The following CUTC variants were observed in gnomAD, a reference collection of about 807,000 sequenced individuals.
CUTC encodes copper homeostasis protein cutC homolog.
CUTC carries 27 observed loss-of-function variants against 36.2 expected under a neutral mutation model. The ratio of observed to expected loss-of-function variants is 0.75; its 90% confidence interval spans 0.55 to 1.03. The LOEUF is 1.03. Ranked by LOEUF, CUTC falls within the 50% of genes least tolerant of loss-of-function variation. The pLI, the probability that CUTC is intolerant of heterozygous loss-of-function variation, is 0.00. For synonymous variants in CUTC, 114 were observed against 118.3 expected (o/e 0.96, Z 0.24); for missense variants, 315 against 343.5 (o/e 0.92, Z 0.66).
At chr10:99,739,262 C>T (rs2037321044) in intron 2 of CUTC, among the ~76,000 whole-genome samples, 1 of 152,100 alleles carries the variant, frequency 6.6e-6, no homozygotes, top group South Asian at 2.1e-4. Context: ...CTTTTGGTTT[C>T]AGCATTTTCT....
chr10:99,733,100 G>A (rs1185195865), intron 1 of CUTC, among the ~76,000 whole-genome samples: 1 of 152,152 alleles, frequency 6.6e-6, no homozygotes, highest in Admixed American at 6.5e-5. Flanking sequence ...TCTGAGCTCA[G>A]GAGTTCGAGA....
At chr10:99,747,227 C>A (rs2037384245) in intron 5 of CUTC, 30 bp from the exon 6 acceptor site, 2 of 1,610,992 alleles carry the variant, frequency 1.2e-6, no homozygotes, top group South Asian at 2.2e-5. Flanking sequence ...GATACCTGTT[C>A]AAAATTCACA....
intron 8 of CUTC, among the ~76,000 whole-genome samples, chr10:99,755,031 T>A (rs11816846): frequency 6.6e-6 from 1 of 152,250 alleles, no homozygotes; most frequent in African/African-American, 2.4e-5. Flanking sequence ...GTACTTAGTC[T>A]TCCCTCACAT....
intron 6 of CUTC, among the ~76,000 whole-genome samples, chr10:99,749,642 G>C (rs961700038): frequency 6.6e-6 from 1 of 152,012 alleles, no homozygotes; most frequent in Admixed American, 6.5e-5. Context: ...TCAATGTTTT[G>C]TTTTATGGAT....
At chr10:99,744,142 CT>C in intron 5 of CUTC, 70 bp downstream of exon 5, 8 of 1,239,550 alleles carry the variant, frequency 6.5e-6, no homozygotes, top group Middle Eastern at 1.9e-4. Flanking sequence ...CTGCCACCAC[CT>C]TTTTATGGAA....
intron 5 of CUTC, among the ~76,000 whole-genome samples, chr10:99,744,708 T>A (rs923522686): frequency 2.0e-5 from 3 of 152,252 alleles, no homozygotes; most frequent in African/African-American, 7.2e-5. Flanking sequence ...AATGTGATAC[T>A]TTCTTGTAAA....
At chr10:99,739,804 A>G in intron 3 of CUTC, 35 bp downstream of exon 3, 1 of 1,578,412 alleles carries the variant, frequency 6.3e-7, no homozygotes, top group Non-Finnish European at 8.6e-7. Flanking sequence ...TTCTGATTGG[A>G]GTTCATAGAG....
intron 3 of CUTC, among the ~76,000 whole-genome samples, chr10:99,740,023 CT>C (rs1564655872): frequency 6.6e-6 from 1 of 152,152 alleles, no homozygotes; most frequent in African/African-American, 2.4e-5. Flanking sequence ...AAGGATTAGG[CT>C]TTTATAAAAT....
rs1308449225 is a variant in CUTC at position 99,753,740 on chromosome 10, T to C, written c.602-789T>C. Among the ~76,000 whole-genome samples, 3 of 152,206 alleles carry C rather than the reference T, an allele frequency of 2.0e-5. No homozygotes were observed. The East Asian group carries it at 5.8e-4, about 29-fold the overall frequency. On this transcript the variant is annotated intron_variant, in intron 7 of 8. Transcript: ENST00000370476. ...TTCTATTTCTTAAGGCTCAGTGATA[T>C]TACTGTACTACTAAGGAAAAAAAGA...
At chr10:99,754,752 A>G in intron 8 of CUTC, 118 bp downstream of exon 8, 2 of 687,986 alleles carry the variant, frequency 2.9e-6, no homozygotes, top group Non-Finnish European at 5.1e-6. Flanking sequence ...ACTACTACAT[A>G]AGTATTGTAG....
At chr10:99,746,966 C>A (rs930121107) in intron 5 of CUTC, among the ~76,000 whole-genome samples, 2 of 152,018 alleles carry the variant, frequency 1.3e-5, no homozygotes, top group African/African-American at 4.8e-5. Flanking sequence ...TGGGGTCTTG[C>A]CACATTGCCC....
chr10:99,734,150 A>C (rs1325757426), intron 1 of CUTC, among the ~76,000 whole-genome samples: 1 of 146,412 alleles, frequency 6.8e-6, no homozygotes, highest in Admixed American at 7.1e-5. Flanking sequence ...GCTCACTGCA[A>C]CCTCCACCTC....
intron 5 of CUTC, among the ~76,000 whole-genome samples, chr10:99,746,250 T>C (rs2037376874): frequency 6.6e-6 from 1 of 152,184 alleles, no homozygotes; most frequent in Admixed American, 6.5e-5. Context: ...CTTAGCAAAC[T>C]AACATAAGAA....
At chr10:99,732,576 G>A (rs2037223191) in intron 1 of CUTC, 167 bp downstream of exon 1, 3 of 1,439,634 alleles carry the variant, frequency 2.1e-6, no homozygotes, top group Admixed American at 2.9e-5. Context: ...GAAACGGAGG[G>A]CGTGACGAGG....
At chr10:99,749,790 C>T (rs760316715) in intron 6 of CUTC, among the ~76,000 whole-genome samples, 8 of 152,020 alleles carry the variant, frequency 5.3e-5, no homozygotes, top group Non-Finnish European at 1.0e-4. Flanking sequence ...TATTCACTTG[C>T]TTTATTTTTT....
chr10:99,734,669 C>T (rs555982121), intron 1 of CUTC, among the ~76,000 whole-genome samples: 7 of 152,092 alleles, frequency 4.6e-5, no homozygotes, highest in Non-Finnish European at 1.0e-4. Context: ...AAACTCAAAA[C>T]TCTGTTTACA....
In CUTC at chr10:99,736,381, G is replaced by T; in HGVS notation, c.133+64G>T. On this transcript the variant is annotated intron_variant, in intron 2 of 8. Transcript: ENST00000370476. Reference sequence around the variant, plus strand: ...TTTTAAGAGTCTGAAAATTAATCCTGTGTGCTTATCTCAGAAGCCCTTGTG... The same window carrying T: ...TTTTAAGAGTCTGAAAATTAATCCTTTGTGCTTATCTCAGAAGCCCTTGTG... The T allele has an allele frequency of 5.7e-6, 7 of 1,238,478 alleles. No individual in the cohort carries two copies. In the South Asian group the frequency reaches 6.1e-5, roughly 11 times the overall value. The allele number at this position is 1,238,478 out of a possible 1,614,324, so 76.7% of individuals were successfully genotyped here.
chr10:99,753,151 T>G (rs2037431870), intron 7 of CUTC, among the ~76,000 whole-genome samples: 1 of 152,224 alleles, frequency 6.6e-6, no homozygotes, highest in Admixed American at 6.5e-5. Flanking sequence ...CCTATGTACT[T>G]AAGTTGCTGA....
chr10:99,739,602 A>G, intron 2 of CUTC, 108 bp from the exon 3 acceptor site: 2 of 955,906 alleles, frequency 2.1e-6, no homozygotes, highest in Non-Finnish European at 3.2e-6. Flanking sequence ...TTTCTCTGAG[A>G]TGATTTCTAA....
Sources: gnomAD v4.1 joint callset for allele counts (sites outside exome capture counted in the v4.1 genomes callset) on GRCh38, gnomAD v4.1.1 for gene constraint, MANE v1.5 for transcripts, NCBI Gene and HGNC (gene_info 2026-07-23, HGNC 2026-07-21) for gene names.